Variants in CADPS observed in about 807,000 individuals in gnomAD.
CADPS encodes calcium-dependent secretion activator 1.
In CADPS, 57 loss-of-function variants were observed where a neutral mutation model predicts 167.3. The ratio of observed to expected loss-of-function variants is 0.34; its 90% CI spans 0.28 to 0.42. The LOEUF (loss-of-function observed/expected upper bound fraction) is 0.42, where lower values mean the gene tolerates loss of function less well. CADPS is among the 20% of genes least tolerant of loss of function. The pLI is 1.00. For missense variants in CADPS, 1,414 were observed against 1,738.1 expected, an observed-to-expected ratio of 0.81 and a Z score of 3.32; for synonymous variants, 676 against 635.3, an observed-to-expected ratio of 1.06 and a Z score of -0.96.
chr3:62,800,756 T>C (rs934045815), intron 1 of CADPS, among the ~76,000 whole-genome samples: 1 of 152,192 alleles, frequency 6.6e-6, no homozygotes, highest in Non-Finnish European at 1.5e-5. Flanking sequence ...TTTTTATCTA[T>C]GTCATTTTAG....
intron 1 of CADPS, among the ~76,000 whole-genome samples, chr3:62,787,551 T>A (rs1426661190): frequency 6.6e-6 from 1 of 152,184 alleles, no homozygotes; most frequent in African/African-American, 2.4e-5. Context: ...ATATTTTCCA[T>A]AGTATATTAG....
chr3:62,548,112 G>C (rs1207042630), intron 11 of CADPS, among the ~76,000 whole-genome samples: 1 of 152,042 alleles, frequency 6.6e-6, no homozygotes, highest in Non-Finnish European at 1.5e-5. Context: ...ATTTTTTTCT[G>C]ATACAGGGGG....
intron 6 of CADPS, among the ~76,000 whole-genome samples, chr3:62,599,824 T>TA (rs1562716010): frequency 6.3e-4 from 12 of 18,930 alleles, no homozygotes; most frequent in African/African-American, 2.9e-3. Context: ...ATATTATATA[T>TA]TATATATATA....
intron 6 of CADPS, chr3:62,625,315 C>A (rs2063856820): frequency 6.7e-6 from 1 of 150,032 alleles, no homozygotes; most frequent in Non-Finnish European, 1.5e-5. Flanking sequence ...GATGCATAAA[C>A]ATTGTAAAAT....
intron 12 of CADPS, among the ~76,000 whole-genome samples, chr3:62,534,841 A>C (rs1219567505): frequency 6.6e-6 from 1 of 152,172 alleles, no homozygotes; most frequent in Non-Finnish European, 1.5e-5. Context: ...CAAATGGGGA[A>C]GGAAGCTATT....
At chr3:62,858,791 A>G (rs2080192634) in intron 1 of CADPS, among the ~76,000 whole-genome samples, 1 of 152,148 alleles carries the variant, frequency 6.6e-6, no homozygotes, top group African/African-American at 2.4e-5. Flanking sequence ...TTCTCATCCA[A>G]CGTAAATGTC....
chr3:62,664,548 A>G (rs915411562), intron 3 of CADPS, among the ~76,000 whole-genome samples: 6 of 152,234 alleles, frequency 3.9e-5, no homozygotes, highest in Non-Finnish European at 8.8e-5. Flanking sequence ...TCCCTTGGGA[A>G]GCCCAAAAGT....
At chr3:62,626,943 T>C (rs1293118539) in intron 6 of CADPS, among the ~76,000 whole-genome samples, 2 of 152,190 alleles carry the variant, frequency 1.3e-5, no homozygotes, top group South Asian at 4.1e-4. Flanking sequence ...ATGTTAAAGA[T>C]ATGTGTCAGA....
At chr3:62,658,405 G>A (rs994565898) in intron 4 of CADPS, among the ~76,000 whole-genome samples, 1 of 152,050 alleles carries the variant, frequency 6.6e-6, no homozygotes, top group Admixed American at 6.6e-5. Context: ...TTGGTATGAG[G>A]GGGAAAGTGA....
rs537418856 is a variant in CADPS at position 62,680,321 on chromosome 3, G to A, written c.889-17927C>T. Among the ~76,000 whole-genome samples, 56 of 152,126 alleles carry A rather than the reference G, an allele frequency of 3.7e-4. No individual in the cohort carries two copies. In the South Asian group the frequency reaches 6.4e-3, roughly 17 times the overall value. On this transcript the variant is annotated intron_variant, in intron 3 of 29. Transcript: ENST00000383710. The stretch of plus-strand genomic sequence containing the variant: ...AGCGTCTTCCTCTTTGGGCTGGTAT[G>A]AGGAATCAGTGAAACCATACAGATG...
In CADPS at chr3:62,833,056, T is replaced by G. The variant is rs117682519; in HGVS notation, c.441+41533A>C. 4.7e-4 allele frequency among the ~76,000 whole-genome samples: 71 copies of G among 152,298 alleles called. 2 individuals carry two copies. In the East Asian group the frequency reaches 0.013, roughly 27 times the overall value. On this transcript the variant is annotated intron_variant, in intron 1 of 29. Coordinates refer to ENST00000383710, the MANE Select transcript of CADPS (RefSeq NM_003716.4). ...AAGGGTAAGAAAGCCACACGGTGCC[T>G]TCTTTTTGGCCCCAGTTCTCTTTTA...
chr3:62,477,958 T>C (rs1227994256), intron 23 of CADPS: 3 of 309,610 alleles, frequency 9.7e-6, no homozygotes, highest in Non-Finnish European at 1.8e-5. Context: ...ACTAGTTAAG[T>C]ATTTTGTGCC....
intron 1 of CADPS, among the ~76,000 whole-genome samples, chr3:62,794,854 A>G (rs1196529065): frequency 6.6e-6 from 1 of 151,150 alleles, no homozygotes; most frequent in African/African-American, 2.4e-5. Context: ...CTAGGTAAAG[A>G]ATTTTTAAAA....
At chr3:62,853,254 A>G (rs1364040158) in intron 1 of CADPS, among the ~76,000 whole-genome samples, 13 of 152,200 alleles carry the variant, frequency 8.5e-5, no homozygotes, top group Admixed American at 8.5e-4. Flanking sequence ...TCAAGTCAGA[A>G]TGAGTTCTAT....
chr3:62,615,128 G>T (rs1226440559), intron 6 of CADPS, among the ~76,000 whole-genome samples: 1 of 152,126 alleles, frequency 6.6e-6, no homozygotes, highest in Admixed American at 6.5e-5. Context: ...TGGTTTGCAG[G>T]GATGATGGAT....
intron 13 of CADPS, among the ~76,000 whole-genome samples, chr3:62,528,946 G>A (rs1212891724): frequency 6.6e-6 from 1 of 152,124 alleles, no homozygotes; most frequent in East Asian, 1.9e-4. Flanking sequence ...ATTACCTGAG[G>A]TCAGGAGTTC....
At chr3:62,666,309 T>TA (rs1336490838) in intron 3 of CADPS, among the ~76,000 whole-genome samples, 1 of 152,160 alleles carries the variant, frequency 6.6e-6, no homozygotes, top group Non-Finnish European at 1.5e-5. Context: ...CTTGGCATGA[T>TA]AGAGAAGGCC....
chr3:62,786,686 A>C (rs1386916554), intron 1 of CADPS, among the ~76,000 whole-genome samples: 3 of 150,852 alleles, frequency 2.0e-5, no homozygotes, highest in Non-Finnish European at 2.9e-5. Context: ...CACACACACA[A>C]ACATCTTCCT....
At chr3:62,459,226 T>C (rs930433411) in intron 26 of CADPS, among the ~76,000 whole-genome samples, 4 of 152,214 alleles carry the variant, frequency 2.6e-5, no homozygotes, top group African/African-American at 7.2e-5. Context: ...GTGGCTTCCA[T>C]TGGAAGGTGG....
Sources: gnomAD v4.1 joint callset for allele counts (sites outside exome capture counted in the v4.1 genomes callset) on GRCh38, gnomAD v4.1.1 for gene constraint, MANE v1.5 for transcripts, NCBI Gene and HGNC (gene_info 2026-07-23, HGNC 2026-07-21) for gene names.